Variants in CREB1 observed in about 807,000 individuals in gnomAD.
CREB1 encodes the protein cyclic AMP-responsive element-binding protein 1.
A neutral mutation model predicts 42.0 loss-of-function variants in CREB1; 2 were observed. The ratio of observed to expected loss-of-function variants is 0.05; its 90% CI spans 0.02 to 0.15. The LOEUF is 0.15. CREB1 is among the 10% of genes least tolerant of loss of function. The pLI is 1.00. For missense variants in CREB1, 199 were observed against 388.9 expected (o/e 0.51, Z 4.11); for synonymous variants, 123 against 139.9 (o/e 0.88, Z 0.85).
At chr2:207,542,050 A>G (rs1435855283) in intron 1 of CREB1, among the ~76,000 whole-genome samples, 2 of 152,178 alleles carry the variant, frequency 1.3e-5, no homozygotes, top group Admixed American at 6.5e-5. Context: ...ATAATAGTCC[A>G]TTTTATGGAT....
At chr2:207,581,525 C>A (rs1574904335) in intron 7 of CREB1, 3 of 216,408 alleles carry the variant, frequency 1.4e-5, no homozygotes, top group South Asian at 1.8e-4. Context: ...TGAATTACTT[C>A]TAATTTCACC....
intron 1 of CREB1, among the ~76,000 whole-genome samples, chr2:207,535,678 A>G (rs1337992279): frequency 6.6e-6 from 1 of 151,922 alleles, no homozygotes; most frequent in Non-Finnish European, 1.5e-5. Context: ...CCGTGGGGAA[A>G]CCTTTGGTCA....
intron 7 of CREB1, among the ~76,000 whole-genome samples, chr2:207,584,591 AG>A (rs2083482432): frequency 6.6e-6 from 1 of 152,066 alleles, no homozygotes; most frequent in Non-Finnish European, 1.5e-5. Flanking sequence ...TAGTAGAGAC[AG>A]GGTTTCGCCA....
chr2:207,571,252 G>A (rs1473659153), intron 5 of CREB1, among the ~76,000 whole-genome samples: 8 of 151,926 alleles, frequency 5.3e-5, no homozygotes, highest in Admixed American at 4.6e-4. Flanking sequence ...GCTCATGCCT[G>A]TATTCCCAGC....
In CREB1 at chr2:207,560,157, T is replaced by G. The variant is rs1353710906; in HGVS notation, c.115-69T>G. 5 of 1,385,698 alleles carry G rather than the reference T, an allele frequency of 3.6e-6. No individual in the cohort carries two copies. The African/African-American group carries it at 7.2e-5, about 20-fold the overall frequency. The allele number at this position is 1,385,698 out of a possible 1,614,324, so 85.8% of individuals were successfully genotyped here. A position where few individuals can be genotyped will look rare whatever the true frequency, so the allele number is the denominator to read the frequency against. The stretch of plus-strand genomic sequence containing the variant: ...ACGTTTTTGCTTCTAAAAAGTTATT[T>G]CATATTGAACATGAGTACTGCCAAA... On this transcript the variant is annotated intron_variant, in intron 2 of 7. Coordinates refer to ENST00000353267, the MANE Select transcript of CREB1 (RefSeq NM_004379.5).
At position 207,600,474 on chromosome 2, in the gene CREB1, T is replaced by C. The variant is rs913836324; in HGVS notation, c.*3416T>C. ...TTATTTTTTATTAGTTTTCTTTGGC[T>C]TGATACTTTTAAATATGTTACTAGT... On this transcript the variant is annotated 3_prime_UTR_variant, in exon 8 of 8. Transcript: ENST00000353267. 2 of 201,608 alleles carry C rather than the reference T, an allele frequency of 9.9e-6. No homozygotes were observed. Among genetic ancestry groups the C allele is most frequent in the African/African-American group, 4.6e-5 (2 of 43,620 alleles). The allele number at this position is 201,608 out of a possible 1,614,324, so 12.5% of individuals were successfully genotyped here. A position where few individuals can be genotyped will look rare whatever the true frequency, so the allele number is the denominator to read the frequency against.
chr2:207,575,135 A>C (rs2082525348), intron 5 of CREB1, 137 bp from the exon 6 acceptor site: 1 of 811,852 alleles, frequency 1.2e-6, no homozygotes. Flanking sequence ...TTACTTGAAT[A>C]TATTAGACCC....
chr2:207,584,950 T>G (rs2083556053), intron 7 of CREB1, among the ~76,000 whole-genome samples: 1 of 152,162 alleles, frequency 6.6e-6, no homozygotes, highest in Admixed American at 6.5e-5. Flanking sequence ...TGTGTCCTTT[T>G]GTACATCATG....
chr2:207,579,507 T>C (rs2106593571), intron 7 of CREB1, among the ~76,000 whole-genome samples: 1 of 152,318 alleles, frequency 6.6e-6, no homozygotes, highest in South Asian at 2.1e-4. Flanking sequence ...TTGTTCTATT[T>C]ATTTTTCTTT....
intron 7 of CREB1, chr2:207,582,250 A>G: frequency 1.4e-6 from 1 of 693,788 alleles, no homozygotes; most frequent in Non-Finnish European, 2.6e-6. Context: ...CTTGGAGGCT[A>G]TGCAGATATA....
At chr2:207,568,250 C>A (rs1233987872) in intron 4 of CREB1, 1 of 151,836 alleles carries the variant, frequency 6.6e-6, no homozygotes, top group Admixed American at 6.6e-5. Context: ...GGTTTTTTCC[C>A]CCCGCTTGGC....
At chr2:207,576,690 G>T (rs764362340) in intron 6 of CREB1, 18 of 1,281,906 alleles carry the variant, frequency 1.4e-5, no homozygotes, top group Middle Eastern at 2.1e-4. Context: ...TCAGTTTGAA[G>T]ATGGTAACAT....
chr2:207,557,106 C>T (rs1422191849), intron 2 of CREB1, among the ~76,000 whole-genome samples: 2 of 152,076 alleles, frequency 1.3e-5, no homozygotes, highest in African/African-American at 4.8e-5. Flanking sequence ...CCACTGCATT[C>T]CAGCCGGGGT....
chr2:207,546,452 C>T (rs748126195), intron 1 of CREB1, among the ~76,000 whole-genome samples: 11 of 152,082 alleles, frequency 7.2e-5, no homozygotes, highest in Non-Finnish European at 1.3e-4. Context: ...ATAGGCTGGG[C>T]GCAGTGGCTC....
At chr2:207,584,439 T>A (rs1018528086) in intron 7 of CREB1, among the ~76,000 whole-genome samples, 4 of 152,156 alleles carry the variant, frequency 2.6e-5, no homozygotes, top group African/African-American at 9.7e-5. Flanking sequence ...CCCTCTGTCA[T>A]GTCACCCAGG....
intron 1 of CREB1, among the ~76,000 whole-genome samples, chr2:207,548,435 T>C (rs1307998525): frequency 1.3e-5 from 2 of 152,118 alleles, no homozygotes; most frequent in Admixed American, 6.5e-5. Flanking sequence ...ATCAGGGAAT[T>C]TGTTTTCTTA....
chr2:207,579,775 T>C (rs559624877), intron 7 of CREB1, among the ~76,000 whole-genome samples: 1 of 152,330 alleles, frequency 6.6e-6, no homozygotes, highest in East Asian at 1.9e-4. Context: ...CACTGGAATC[T>C]GGCTTCTATG....
chr2:207,554,855 A>G (rs989241391), intron 1 of CREB1, among the ~76,000 whole-genome samples: 17 of 152,170 alleles, frequency 1.1e-4, no homozygotes, highest in African/African-American at 2.7e-4. Flanking sequence ...TGGCACCTCT[A>G]ATTTGGCTCT....
intron 1 of CREB1, among the ~76,000 whole-genome samples, chr2:207,548,141 C>T (rs2081366587): frequency 6.6e-6 from 1 of 152,044 alleles, no homozygotes; most frequent in African/African-American, 2.4e-5. Context: ...CAATGTTGGC[C>T]AGGCAGATCG....
Sources: gnomAD v4.1 joint callset for allele counts (sites outside exome capture counted in the v4.1 genomes callset) on GRCh38, gnomAD v4.1.1 for gene constraint, MANE v1.5 for transcripts, NCBI Gene and HGNC (gene_info 2026-07-23, HGNC 2026-07-21) for gene names.